AQR: variants seen among roughly 807,000 people sequenced by gnomAD.
The protein encoded by AQR is aquarius intron-binding spliceosomal factor.
Under a neutral mutation model 180.5 loss-of-function variants are expected in AQR, and 61 were observed. The observed-to-expected ratio is 0.34, with a 90% CI of 0.28 to 0.42. AQR has a LOEUF of 0.42. Ranked by LOEUF, AQR falls within the 10% of genes least tolerant of loss-of-function variation. AQR has a pLI of 1.00. For missense variants in AQR, 1,281 were observed against 1,798.3 expected, an observed-to-expected ratio of 0.71 and a Z score of 5.20; for synonymous variants, 551 against 588.8, an observed-to-expected ratio of 0.94 and a Z score of 0.93.
At chr15:34,944,008 A>G (rs962457) in intron 6 of AQR, among the ~76,000 whole-genome samples, 3,177 of 152,290 alleles carry the variant, frequency 0.021, 104 homozygotes, top group African/African-American at 0.068. Context: ...CTCTCCCTTT[A>G]GAGTTTCAGT....
At chr15:34,859,123 A>G (rs2140456374) in intron 34 of AQR, among the ~76,000 whole-genome samples, 1 of 152,294 alleles carries the variant, frequency 6.6e-6, no homozygotes, top group South Asian at 2.1e-4. Flanking sequence ...ATAAATAAAC[A>G]AGCCAGAATG....
chr15:34,956,398 C>G (rs1250369369), intron 3 of AQR, among the ~76,000 whole-genome samples: 1 of 152,108 alleles, frequency 6.6e-6, no homozygotes, highest in Non-Finnish European at 1.5e-5. Context: ...CACCTGTAAT[C>G]CCAGCACTTT....
At chr15:34,969,093 A>G (rs2050329187) in intron 1 of AQR, among the ~76,000 whole-genome samples, 1 of 152,168 alleles carries the variant, frequency 6.6e-6, no homozygotes, top group Non-Finnish European at 1.5e-5. Flanking sequence ...GTGTCTTGTC[A>G]GTTTCTCATC....
At chr15:34,891,703 T>C (rs1172545853) in intron 23 of AQR, among the ~76,000 whole-genome samples, 1 of 152,144 alleles carries the variant, frequency 6.6e-6, no homozygotes, top group Non-Finnish European at 1.5e-5. Flanking sequence ...ATTTTAAGAA[T>C]TTACAATAGG....
chr15:34,880,770 C>G (rs1892961488), intron 27 of AQR, among the ~76,000 whole-genome samples: 1 of 152,106 alleles, frequency 6.6e-6, no homozygotes, highest in Non-Finnish European at 1.5e-5. Flanking sequence ...TGGGTGAGCA[C>G]AGAATCAAAA....
At chr15:34,933,376 A>AT (rs1893896279) in intron 10 of AQR, among the ~76,000 whole-genome samples, 1 of 152,222 alleles carries the variant, frequency 6.6e-6, no homozygotes, top group Non-Finnish European at 1.5e-5. Flanking sequence ...AATGAGAGAA[A>AT]GGAAAGGAAA....
intron 24 of AQR, 58 bp from the exon 25 acceptor site, chr15:34,886,719 C>G (rs943634090): frequency 6.6e-7 from 1 of 1,509,004 alleles, no homozygotes; most frequent in African/African-American, 1.4e-5. Flanking sequence ...TTGAAGGAAA[C>G]AATCAGCAAA....
At chr15:34,861,592 G>A (rs1336860823) in intron 33 of AQR, among the ~76,000 whole-genome samples, 1 of 152,180 alleles carries the variant, frequency 6.6e-6, no homozygotes, top group African/African-American at 2.4e-5. Flanking sequence ...CACGTGGGGA[G>A]CTTGTTACAC....
At position 34,896,962 on chromosome 15, in the gene AQR, T is replaced by C. The variant is rs750099471; in HGVS notation, c.2395A>G (p.Thr799Ala). Residue 799 changes from threonine (T) to alanine (A), a missense_variant, in exon 22 of 35, where the codon ACG becomes GCG. Thr to Ala is a moderately conservative substitution (Grantham distance 58). Transcript: ENST00000156471. Reference protein sequence around the residue: ...PYPYNQPKRNTIQFTHTQIEA... With the variant: ...PYPYNQPKRNAIQFTHTQIEA... ...ATCTGTGTATGAGTGAACTGAATCG[T>C]ATTACTGCAAATAAGAGTAAATAAA... The C allele has an allele frequency of 2.5e-6, 4 of 1,611,260 alleles. No individual in the cohort carries two copies. The African/African-American group carries it at 5.3e-5, about 22-fold the overall frequency.
chr15:34,894,115 T>C (rs1225994557), intron 22 of AQR, among the ~76,000 whole-genome samples: 1 of 151,958 alleles, frequency 6.6e-6, no homozygotes, highest in Admixed American at 6.6e-5. Context: ...TTCCTAAATA[T>C]GGCAAAAGAC....
At chr15:34,897,158 G>C (rs536783922) in intron 21 of AQR, among the ~76,000 whole-genome samples, 192 bp from the exon 22 acceptor site, 46 of 152,114 alleles carry the variant, frequency 3.0e-4, no homozygotes, top group African/African-American at 8.9e-4. Flanking sequence ...GTTATTTTTC[G>C]GGACTTAGCC....
At chr15:34,963,278 C>T (rs1566793078) in intron 2 of AQR, among the ~76,000 whole-genome samples, 1 of 152,150 alleles carries the variant, frequency 6.6e-6, no homozygotes, top group Non-Finnish European at 1.5e-5. Context: ...CACACCTGGC[C>T]TTAGACCTCT....
chr15:34,886,899 C>T (rs1370720210), intron 24 of AQR, among the ~76,000 whole-genome samples: 7 of 151,764 alleles, frequency 4.6e-5, no homozygotes, highest in African/African-American at 1.2e-4. Flanking sequence ...CTGAGGCGGA[C>T]AGATCATGAG....
intron 34 of AQR, among the ~76,000 whole-genome samples, chr15:34,858,824 G>T (rs147569536): frequency 1.1e-3 from 170 of 152,210 alleles, no homozygotes; most frequent in Non-Finnish European, 2.1e-3. Context: ...TGACAAGCAA[G>T]TCAACAAAGA....
intron 18 of AQR, 23 bp from the exon 19 acceptor site, chr15:34,904,528 T>C (rs764258125): frequency 1.3e-6 from 2 of 1,570,622 alleles, no homozygotes; most frequent in South Asian, 2.4e-5. Context: ...AAAAAGTTTG[T>C]TAAATAAAAT....
At chr15:34,907,951 G>A (rs1367506082) in intron 17 of AQR, among the ~76,000 whole-genome samples, 1 of 151,984 alleles carries the variant, frequency 6.6e-6, no homozygotes, top group Non-Finnish European at 1.5e-5. Context: ...AATCCTATAT[G>A]TCTCTCTCCT....
At position 34,947,513 on chromosome 15, in the gene AQR, A is replaced by AAATAAT. The variant is rs573279543; in HGVS notation, c.330+745_330+750dup. 5.6e-3 allele frequency among the ~76,000 whole-genome samples: 817 copies of AAATAAT among 145,210 alleles called. 11 individuals are homozygous for AAATAAT. Among genetic ancestry groups the AAATAAT allele is most frequent in the Non-Finnish European group, 9.4e-3 (622 of 66,350 alleles). ...AACACCCAAGAATGATCAATAAAAA[A>AAATAAT]AATAATAATAATAATAATAATAATA... On this transcript the variant is annotated intron_variant, in intron 5 of 34. Transcript: ENST00000156471.
At chr15:34,857,407 G>C (rs139291209) in intron 34 of AQR, among the ~76,000 whole-genome samples, 14 of 152,330 alleles carry the variant, frequency 9.2e-5, no homozygotes, top group Non-Finnish European at 2.9e-5. Flanking sequence ...AACAGTGACT[G>C]ATCAGGACTG....
In AQR at chr15:34,874,736, G is replaced by A; in HGVS notation, c.3366C>T (p.Arg1122=). 6.2e-7 allele frequency: 1 copy of A among 1,613,832 alleles called. No individual in the cohort carries two copies. Among genetic ancestry groups the A allele is most frequent in the Non-Finnish European group, 8.5e-7 (1 of 1,179,818 alleles). The change falls in exon 29 of 35, where the codon CGC becomes CGT. Residue 1122 remains arginine, a synonymous_variant. Transcript: ENST00000156471. ...CAGTCGGAACTCCAACGCGAACAAA[G>A]CGAGTGAAGAGAGACTGCTCCATGT... ...YSNMEQSLFT[R]FVRVGVPTVD... is the part of the protein sequence containing the mutation.
Sources: allele counts gnomAD v4.1 joint callset (sites outside exome capture counted in the v4.1 genomes callset), GRCh38; gene constraint gnomAD v4.1.1; transcripts MANE v1.5; gene names NCBI Gene and HGNC (gene_info 2026-07-23, HGNC 2026-07-21).